WWOX: variants seen among roughly 807,000 people sequenced by gnomAD.
The protein encoded by WWOX is WW domain-containing oxidoreductase.
WWOX carries 69 observed loss-of-function variants against 46.2 expected under a neutral mutation model. That is an observed-to-expected ratio of 1.49 (90% CI 1.23 to 1.82). The LOEUF (loss-of-function observed/expected upper bound fraction) is 1.82. Ranked by LOEUF, WWOX falls within the 40% of genes most tolerant of loss-of-function variation. WWOX has a pLI of 0.00. For synonymous variants in WWOX, 359 were observed against 202.6 expected (o/e 1.77, Z -6.56); for missense variants, 919 against 542.6 (o/e 1.69, Z -6.89).
intron 8 of WWOX, among the ~76,000 whole-genome samples, chr16:79,208,094 C>T (rs574533861): frequency 2.6e-5 from 4 of 152,302 alleles, no homozygotes; most frequent in African/African-American, 7.2e-5. Context: ...AATGATGAAT[C>T]CTTATTACCA....
intron 8 of WWOX, among the ~76,000 whole-genome samples, chr16:78,560,224 T>G (rs2044402339): frequency 3.9e-5 from 6 of 152,250 alleles, no homozygotes; most frequent in Admixed American, 3.3e-4. Context: ...TGGAATTGAT[T>G]CTGAAATCTG....
intron 8 of WWOX, among the ~76,000 whole-genome samples, chr16:78,974,673 G>T (rs1191195555): frequency 6.6e-6 from 1 of 152,302 alleles, no homozygotes; most frequent in Middle Eastern, 3.4e-3. Context: ...GAGGAGGACA[G>T]ATTATTCTGT....
intron 5 of WWOX, among the ~76,000 whole-genome samples, chr16:78,249,555 T>G (rs975806497): frequency 2.0e-5 from 3 of 152,236 alleles, no homozygotes; most frequent in African/African-American, 7.2e-5. Flanking sequence ...TGGGCTGAGT[T>G]TTTAATGTGG....
rs908077163 is a variant in WWOX at position 78,703,185 on chromosome 16, C to G, written c.1056+270433C>G. On this transcript the variant is annotated intron_variant, in intron 8 of 8. Coordinates refer to ENST00000566780, the MANE Select transcript of WWOX (RefSeq NM_016373.4). ...GAGTTTTTATGATGTTCCTTCTCTT[C>G]TCCGCTCCTTCCTGACAAGAGTCTG... Among the ~76,000 whole-genome samples the G allele has an allele frequency of 2.6e-5, 4 of 151,670 alleles. No homozygotes were observed. In the East Asian group the frequency reaches 7.8e-4, roughly 29 times the overall value.
At chr16:78,899,878 C>T (rs1268729387) in intron 8 of WWOX, among the ~76,000 whole-genome samples, 4 of 152,096 alleles carry the variant, frequency 2.6e-5, no homozygotes, top group Non-Finnish European at 5.9e-5. Flanking sequence ...ATAAATACAG[C>T]CCATTAACAC....
At chr16:78,927,003 C>A (rs1208938037) in intron 8 of WWOX, among the ~76,000 whole-genome samples, 1 of 152,074 alleles carries the variant, frequency 6.6e-6, no homozygotes, top group Non-Finnish European at 1.5e-5. Context: ...GGCATGTTTC[C>A]CAGGCTGGTT....
In WWOX at chr16:78,707,283, C is replaced by T. The variant is rs76197241; in HGVS notation, c.1056+274531C>T. 3.2e-3 allele frequency among the ~76,000 whole-genome samples: 491 copies of T among 152,294 alleles called. 1 individual carries two copies. The highest frequency in any genetic ancestry group is 6.8e-3 in the Middle Eastern group (2 of 294). Reference sequence around the variant, plus strand: ...AAAAAGCTATAGAAGCAGAAGTTAACGTACATGCAAAAATCTCTACATTTC... The same window carrying T: ...AAAAAGCTATAGAAGCAGAAGTTAATGTACATGCAAAAATCTCTACATTTC... On this transcript the variant is annotated intron_variant, in intron 8 of 8. Coordinates refer to ENST00000566780, the MANE Select transcript of WWOX (RefSeq NM_016373.4).
At chr16:79,090,952 C>T (rs947774038) in intron 8 of WWOX, among the ~76,000 whole-genome samples, 3 of 152,188 alleles carry the variant, frequency 2.0e-5, no homozygotes, top group Admixed American at 6.5e-5. Context: ...CATGCCACCG[C>T]ACCCAGCTCA....
intron 8 of WWOX, among the ~76,000 whole-genome samples, chr16:79,045,815 T>G: frequency 9.0e-6 from 1 of 110,894 alleles, no homozygotes; most frequent in Non-Finnish European, 1.7e-5. Context: ...TTTTTTTTTT[T>G]TTTTGAGATG....
At chr16:78,145,557 A>T (rs1469219682) in intron 4 of WWOX, among the ~76,000 whole-genome samples, 1 of 152,058 alleles carries the variant, frequency 6.6e-6, no homozygotes, top group African/African-American at 2.4e-5. Context: ...AGCTGATTAG[A>T]TGGTACCAAC....
At chr16:78,592,965 C>T (rs1301602178) in intron 8 of WWOX, among the ~76,000 whole-genome samples, 1 of 152,158 alleles carries the variant, frequency 6.6e-6, no homozygotes, top group Non-Finnish European at 1.5e-5. Flanking sequence ...CTGCTTCTCT[C>T]CCAGTGGTGG....
intron 8 of WWOX, among the ~76,000 whole-genome samples, chr16:78,994,776 G>A (rs945574216): frequency 2.6e-5 from 4 of 152,062 alleles, no homozygotes; most frequent in African/African-American, 9.7e-5. Context: ...TCTTTGGAGC[G>A]GAGCTGGTAC....
At chr16:78,773,456 A>G (rs2050115456) in intron 8 of WWOX, among the ~76,000 whole-genome samples, 1 of 152,186 alleles carries the variant, frequency 6.6e-6, no homozygotes, top group Non-Finnish European at 1.5e-5. Flanking sequence ...TTCCTCCCTC[A>G]TTTAAAACAA....
At chr16:78,616,943 G>A (rs1343832339) in intron 8 of WWOX, among the ~76,000 whole-genome samples, 1 of 152,102 alleles carries the variant, frequency 6.6e-6, no homozygotes, top group Non-Finnish European at 1.5e-5. Flanking sequence ...GTTTTATAAT[G>A]TTCCTTTTGC....
At chr16:78,207,358 G>A (rs12443554) in intron 5 of WWOX, among the ~76,000 whole-genome samples, 84,744 of 151,892 alleles carry the variant, frequency 0.56, 23,803 homozygotes, top group African/African-American at 0.63. Context: ...TTTGATTCAA[G>A]TGTATACATA....
chr16:79,057,350 A>G (rs1443059345), intron 8 of WWOX, among the ~76,000 whole-genome samples: 1 of 152,200 alleles, frequency 6.6e-6, no homozygotes, highest in African/African-American at 2.4e-5. Context: ...ATTGCCCCCA[A>G]ATTATCGAAG....
chr16:79,020,727 G>A (rs944935047), intron 8 of WWOX, among the ~76,000 whole-genome samples: 1 of 152,158 alleles, frequency 6.6e-6, no homozygotes, highest in African/African-American at 2.4e-5. Flanking sequence ...CAGATGCAAG[G>A]GGAAGGGTGT....
intron 4 of WWOX, among the ~76,000 whole-genome samples, chr16:78,122,989 T>C (rs1315909532): frequency 2.0e-5 from 3 of 152,204 alleles, no homozygotes; most frequent in Non-Finnish European, 4.4e-5. Flanking sequence ...CTGTTGCCCT[T>C]TGATATAATT....
chr16:78,924,795 C>T (rs1237618727), intron 8 of WWOX, among the ~76,000 whole-genome samples: 1 of 152,180 alleles, frequency 6.6e-6, no homozygotes, highest in African/African-American at 2.4e-5. Flanking sequence ...TTATAGACAT[C>T]TCTTTTAGAC....
Sources: allele counts gnomAD v4.1 joint callset (sites outside exome capture counted in the v4.1 genomes callset), GRCh38; gene constraint gnomAD v4.1.1; transcripts MANE v1.5; gene names NCBI Gene and HGNC (gene_info 2026-07-23, HGNC 2026-07-21).